ZMYND8: variants seen among roughly 807,000 people sequenced by gnomAD.
The protein encoded by ZMYND8 is MYND-type zinc finger-containing chromatin reader ZMYND8.
In ZMYND8, 37 loss-of-function variants were observed where a neutral mutation model predicts 140.8. That is an observed-to-expected ratio of 0.26 (90% CI 0.20 to 0.35). The LOEUF (loss-of-function observed/expected upper bound fraction) is 0.35. Among genes scored for constraint, ZMYND8 ranks in the 10% least tolerant of loss-of-function variants. ZMYND8 has a pLI of 1.00. For synonymous variants in ZMYND8, 592 were observed against 597.1 expected, an observed-to-expected ratio of 0.99 and a Z score of 0.12; for missense variants, 1,068 against 1,570.0, an observed-to-expected ratio of 0.68 and a Z score of 5.40.
intron 3 of ZMYND8, among the ~76,000 whole-genome samples, chr20:47,305,856 A>T (rs2078441337): frequency 6.6e-6 from 1 of 152,198 alleles, no homozygotes; most frequent in Non-Finnish European, 1.5e-5. Flanking sequence ...ACTAAAGAGC[A>T]GAGTGGTATT....
At chr20:47,262,548 T>C (rs977162077) in intron 11 of ZMYND8, 120 bp from the exon 12 acceptor site, 2 of 1,367,488 alleles carry the variant, frequency 1.5e-6, no homozygotes, top group Non-Finnish European at 2.0e-6. Context: ...GCAAGGCCGC[T>C]ACAGTATCAC....
At chr20:47,332,925 T>C (rs768312422) in intron 2 of ZMYND8, among the ~76,000 whole-genome samples, 6 of 152,074 alleles carry the variant, frequency 3.9e-5, no homozygotes, top group Non-Finnish European at 7.4e-5. Flanking sequence ...AACACATACA[T>C]AGATAAACAA....
chr20:47,244,580 G>T (rs959564733), intron 14 of ZMYND8, among the ~76,000 whole-genome samples: 1 of 152,116 alleles, frequency 6.6e-6, no homozygotes, highest in Admixed American at 6.5e-5. Flanking sequence ...GGGGATATTT[G>T]GCAATATTTG....
At chr20:47,288,899 C>T (rs1056497471) in intron 7 of ZMYND8, among the ~76,000 whole-genome samples, 12 of 152,064 alleles carry the variant, frequency 7.9e-5, no homozygotes, top group Non-Finnish European at 1.3e-4. Flanking sequence ...GTCAGGAGTT[C>T]GAGACCAGCC....
At chr20:47,266,832 G>T (rs1024536040) in intron 11 of ZMYND8, among the ~76,000 whole-genome samples, 8 of 152,090 alleles carry the variant, frequency 5.3e-5, no homozygotes, top group African/African-American at 1.2e-4. Flanking sequence ...TGTGTGTGTG[G>T]TGTGTGGTGT....
chr20:47,257,838 G>A (rs1331790215), intron 12 of ZMYND8, among the ~76,000 whole-genome samples: 1 of 151,712 alleles, frequency 6.6e-6, no homozygotes, highest in African/African-American at 2.4e-5. Flanking sequence ...TGTTTGTCTG[G>A]CCCAAATAGA....
chr20:47,265,630 A>G (rs1399492939), intron 11 of ZMYND8, among the ~76,000 whole-genome samples: 1 of 152,100 alleles, frequency 6.6e-6, no homozygotes, highest in Non-Finnish European at 1.5e-5. Context: ...TTTAGTAGAG[A>G]CGGGGTTTTG....
chr20:47,257,303 C>T (rs1014851134), intron 12 of ZMYND8, among the ~76,000 whole-genome samples: 1 of 151,996 alleles, frequency 6.6e-6, no homozygotes, highest in African/African-American at 2.4e-5. Context: ...ACCACATATA[C>T]ATATACTCAT....
chr20:47,236,646 C>T, intron 15 of ZMYND8, 130 bp from the exon 16 acceptor site: 1 of 960,904 alleles, frequency 1.0e-6, no homozygotes, highest in Non-Finnish European at 1.5e-6. Context: ...AAAGATGCTC[C>T]CCTTGACCAA....
At chr20:47,303,001 A>G (rs1202579228) in intron 3 of ZMYND8, among the ~76,000 whole-genome samples, 19 of 152,274 alleles carry the variant, frequency 1.2e-4, no homozygotes. Flanking sequence ...GATTCCAGTA[A>G]TACTCTAACA....
rs554900899 is a variant in ZMYND8, at chr20:47,347,591, G to A, written c.85+265C>T. ...CTGTGGCTCCTGAAAGTCACCCTGC[G>A]GAGAGGTAGCCAGCCACCCTCAGTC... is the stretch of plus-strand genomic sequence containing the variant. On this transcript the variant is annotated intron_variant, in intron 2 of 22. Coordinates refer to ENST00000471951, the MANE Select transcript of ZMYND8 (RefSeq NM_001281775.3). Among the ~76,000 whole-genome samples, 26 of 152,256 alleles carry A rather than the reference G, an allele frequency of 1.7e-4. No homozygotes were observed. The South Asian group carries it at 5.4e-3, about 32-fold the overall frequency.
chr20:47,257,335 A>G (rs1420480670), intron 12 of ZMYND8, among the ~76,000 whole-genome samples: 2 of 152,062 alleles, frequency 1.3e-5, no homozygotes, highest in Non-Finnish European at 2.9e-5. Flanking sequence ...ACAAATACAC[A>G]TACACTCACC....
chr20:47,304,519 G>A (rs2078328387), intron 3 of ZMYND8, among the ~76,000 whole-genome samples: 1 of 152,168 alleles, frequency 6.6e-6, no homozygotes, highest in Non-Finnish European at 1.5e-5. Flanking sequence ...GCAGACACCT[G>A]GTCTACATAA....
In ZMYND8 at chr20:47,236,624, CT is replaced by C. The variant is rs574935054; in HGVS notation, c.2666-109del. ...AATAGACATCCTGAGAGCTTTTCTA[CT>C]TTTAAATGACAAAGATGCTCCCCTT... On this transcript the variant is annotated intron_variant, in intron 15 of 22. Transcript: ENST00000471951. 1,994 of 1,185,958 alleles carry C rather than the reference CT, an allele frequency of 1.7e-3. 9 individuals carry two copies. Among genetic ancestry groups the C allele is most frequent in the Non-Finnish European group, 1.4e-3 (1,207 of 881,396 alleles). 73.5% of individuals were successfully genotyped at this position (1,185,958 alleles called of 1,614,324 possible).
intron 14 of ZMYND8, among the ~76,000 whole-genome samples, chr20:47,244,321 A>G (rs1489826778): frequency 6.6e-6 from 1 of 152,218 alleles, no homozygotes; most frequent in Admixed American, 6.5e-5. Flanking sequence ...TACAACCTGT[A>G]ATTTGTCCTG....
intron 1 of ZMYND8, chr20:47,349,114 C>T (rs2082573484): frequency 6.6e-6 from 1 of 152,160 alleles, no homozygotes; most frequent in African/African-American, 2.4e-5. Context: ...AAAAGACAGC[C>T]TCATGTCTCG....
At chr20:47,289,780 A>G (rs917762693) in intron 7 of ZMYND8, among the ~76,000 whole-genome samples, 1 of 152,196 alleles carries the variant, frequency 6.6e-6, no homozygotes, top group South Asian at 2.1e-4. Context: ...TCCTAACACA[A>G]AGCAGAAAGT....
intron 1 of ZMYND8, among the ~76,000 whole-genome samples, chr20:47,350,827 TC>T (rs1414988364): frequency 2.0e-5 from 3 of 152,204 alleles, no homozygotes; most frequent in Admixed American, 2.0e-4. Context: ...ATTACTTTTT[TC>T]CCTTTAAAGG....
chr20:47,250,116 C>A (rs1416173625), intron 12 of ZMYND8, among the ~76,000 whole-genome samples: 2 of 152,268 alleles, frequency 1.3e-5, no homozygotes, highest in African/African-American at 4.8e-5. Flanking sequence ...AAGTAAGAGT[C>A]CAAGGTCCTC....
Sources: gnomAD v4.1 joint callset for allele counts (sites outside exome capture counted in the v4.1 genomes callset) on GRCh38, gnomAD v4.1.1 for gene constraint, MANE v1.5 for transcripts, NCBI Gene and HGNC (gene_info 2026-07-23, HGNC 2026-07-21) for gene names.